The following LRP1B variants were observed in gnomAD, a reference collection of about 807,000 sequenced individuals.
LRP1B encodes low-density lipoprotein receptor-related protein 1B.
LRP1B carries 217 observed loss-of-function variants against 556.6 expected under a neutral mutation model. That is an observed-to-expected ratio of 0.39 (90% CI 0.35 to 0.44). LRP1B has a LOEUF of 0.44. LRP1B is among the 20% of genes least tolerant of loss of function. The pLI is 1.00. For missense variants in LRP1B, 5,053 were observed against 5,620.8 expected, an observed-to-expected ratio of 0.90 and a Z score of 3.23; for synonymous variants, 2,047 against 1,865.8, an observed-to-expected ratio of 1.10 and a Z score of -2.50.
In LRP1B at chr2:140,357,995, C is replaced by A; in HGVS notation, c.11379G>T (p.Glu3793Asp). Reference protein sequence around the residue: ...RLDDCGDGSDEQGCRIAPTEY... With the variant: ...RLDDCGDGSDDQGCRIAPTEY... ...CAAGCTCACCTATTCTGCATCCTTGCTCATCTGAACCATCTCCGCAGTCAT... is the reference window on the plus strand; with the variant it reads ...CAAGCTCACCTATTCTGCATCCTTGATCATCTGAACCATCTCCGCAGTCAT... The change falls in exon 74 of 91, where the codon GAG becomes GAT. Residue 3793 changes from glutamate (E) to aspartate (D), a missense_variant. Around this residue, in one of 5 missense-constraint regions of LRP1B, gnomAD observed 599 missense variants for 648.4 expected, o/e 0.92. Transcript: ENST00000389484. 6.2e-7 allele frequency: 1 copy of A among 1,610,228 alleles called. No individual in the cohort carries two copies. The highest frequency in any genetic ancestry group is 8.5e-7 in the Non-Finnish European group (1 of 1,177,430).
chr2:141,804,564 C>T (rs1294102664), intron 2 of LRP1B, among the ~76,000 whole-genome samples: 1 of 152,038 alleles, frequency 6.6e-6, no homozygotes, highest in Non-Finnish European at 1.5e-5. Flanking sequence ...TAAACCTCTT[C>T]CCAGCCATGT....
chr2:140,944,569 T>C (rs1260916667), intron 20 of LRP1B, among the ~76,000 whole-genome samples: 2 of 152,256 alleles, frequency 1.3e-5, no homozygotes, highest in South Asian at 2.1e-4. Context: ...TCCATCGTGA[T>C]CAGTAGGCTT....
intron 43 of LRP1B, among the ~76,000 whole-genome samples, chr2:140,545,023 G>A (rs1252099340): frequency 6.6e-6 from 1 of 151,802 alleles, no homozygotes; most frequent in African/African-American, 2.4e-5. Context: ...TCGTGGTTTT[G>A]ATTTGCATTT....
At chr2:140,967,373 T>C (rs1397622685) in intron 18 of LRP1B, among the ~76,000 whole-genome samples, 2 of 151,486 alleles carry the variant, frequency 1.3e-5, no homozygotes, top group Admixed American at 6.6e-5. Context: ...TGCTTGTGAT[T>C]TTTGTACATT....
chr2:140,239,557 TGAA>T (rs1321691956), intron 87 of LRP1B, 25 bp from the exon 88 acceptor site: 1 of 1,450,294 alleles, frequency 6.9e-7, no homozygotes, highest in Non-Finnish European at 9.6e-7. Context: ...AGTGAATAGA[TGAA>T]GAAATAAATA....
rs879557458 is a variant in LRP1B, at chr2:140,390,807, A to ACACAC, written c.10415-4799_10415-4798insGTGTG. ...ACACACACACACACACACACACACA[A>ACACAC]CATATTTGAGTAGCAAATTAAGGTT... On this transcript the variant is annotated intron_variant, in intron 66 of 90. Transcript: ENST00000389484. Among the ~76,000 whole-genome samples the ACACAC allele has an allele frequency of 2.9e-3, 392 of 135,674 alleles. 2 individuals are homozygous for ACACAC. The highest frequency in any genetic ancestry group is 2.7e-3 in the Non-Finnish European group (167 of 61,122). The allele number at this position is 135,674 out of a possible 152,430, so 89.0% of individuals were successfully genotyped here.
intron 2 of LRP1B, among the ~76,000 whole-genome samples, chr2:141,745,534 T>C (rs1693884109): frequency 6.6e-6 from 1 of 151,520 alleles, no homozygotes; most frequent in Non-Finnish European, 1.5e-5. Flanking sequence ...CTTTAGTCAG[T>C]TTGTGGTGAA....
chr2:140,540,744 A>AC (rs11431205), intron 45 of LRP1B, among the ~76,000 whole-genome samples: 74,644 of 151,874 alleles, frequency 0.49, 18,650 homozygotes, highest in South Asian at 0.59. Context: ...CTAGTGCACA[A>AC]CAGGAGGGTA....
chr2:141,126,792 A>G (rs1232783375), intron 7 of LRP1B, among the ~76,000 whole-genome samples: 1 of 152,156 alleles, frequency 6.6e-6, no homozygotes, highest in Non-Finnish European at 1.5e-5. Context: ...TTCCCTTTTT[A>G]CTAGCTCAGG....
intron 2 of LRP1B, among the ~76,000 whole-genome samples, chr2:141,727,712 C>A (rs1360085498): frequency 6.6e-6 from 1 of 151,990 alleles, no homozygotes; most frequent in Non-Finnish European, 1.5e-5. Flanking sequence ...CTTTAAGCAG[C>A]TTTTGAAATG....
rs1693652936 is a variant in LRP1B, at chr2:141,740,425, T to C, written c.205+69854A>G. On this transcript the variant is annotated intron_variant, in intron 2 of 90. Transcript: ENST00000389484. ...GGGCAAAAGCCAGTGTACTTAATAA[T>C]ATAATTGTAACTTTTAACATTATTT... Among the ~76,000 whole-genome samples, 3 of 152,296 alleles carry C rather than the reference T, an allele frequency of 2.0e-5. No individual in the cohort carries two copies. The South Asian group carries it at 6.2e-4, about 32-fold the overall frequency.
At chr2:142,042,393 CTATT>C (rs1340517351) in intron 1 of LRP1B, among the ~76,000 whole-genome samples, 5 of 151,444 alleles carry the variant, frequency 3.3e-5, no homozygotes, top group East Asian at 1.9e-4. Flanking sequence ...AGTTGAAAAA[CTATT>C]TATTTTCTGA....
At chr2:141,463,562 AT>A (rs557598945) in intron 3 of LRP1B, among the ~76,000 whole-genome samples, 6 of 23,932 alleles carry the variant, frequency 2.5e-4, no homozygotes, top group African/African-American at 5.5e-4. Context: ...TATATAATAT[AT>A]ATTATATATT....
At chr2:141,846,759 C>T (rs999653090) in intron 1 of LRP1B, among the ~76,000 whole-genome samples, 1 of 151,040 alleles carries the variant, frequency 6.6e-6, no homozygotes, top group Non-Finnish European at 1.5e-5. Flanking sequence ...CGGAATGACA[C>T]AAAAAACATA....
At chr2:141,510,485 T>C (rs559809204) in intron 2 of LRP1B, among the ~76,000 whole-genome samples, 88 of 152,244 alleles carry the variant, frequency 5.8e-4, no homozygotes, top group African/African-American at 2.0e-3. Flanking sequence ...TTACAAATAT[T>C]ATCGCACACC....
intron 7 of LRP1B, among the ~76,000 whole-genome samples, chr2:141,063,162 T>C (rs2105470292): frequency 6.6e-6 from 1 of 151,958 alleles, no homozygotes; most frequent in Non-Finnish European, 1.5e-5. Flanking sequence ...TTGCCTTGAC[T>C]TAAATACAAT....
intron 31 of LRP1B, among the ~76,000 whole-genome samples, chr2:140,817,800 A>G: frequency 9.0e-6 from 1 of 111,374 alleles, no homozygotes; most frequent in Non-Finnish European, 2.1e-5. Context: ...AGTATAAAAA[A>G]GGAATTTAAA....
chr2:140,880,683 T>TTTGTGAGGC (rs1693445775), intron 25 of LRP1B, among the ~76,000 whole-genome samples: 2 of 152,140 alleles, frequency 1.3e-5, no homozygotes, highest in African/African-American at 4.8e-5. Context: ...GAGGCTAGTG[T>TTTGTGAGGC]TAGGGCCTGT....
In LRP1B at chr2:141,564,922, A is replaced by C. The variant is rs567525461; in HGVS notation, c.206-84389T>G. On this transcript the variant is annotated intron_variant, in intron 2 of 90. Transcript: ENST00000389484. ...GCAATAAAGATGTAATAATAATGATAATCATAATCACATTAATAATGAATA... is the reference window on the plus strand; with the variant it reads ...GCAATAAAGATGTAATAATAATGATCATCATAATCACATTAATAATGAATA... Among the ~76,000 whole-genome samples, 134 of 152,084 alleles carry C rather than the reference A, an allele frequency of 8.8e-4. 2 individuals are homozygous for C. Among genetic ancestry groups the C allele is most frequent in the African/African-American group, 3.1e-3 (128 of 41,488 alleles).
Sources: allele counts gnomAD v4.1 joint callset (sites outside exome capture counted in the v4.1 genomes callset), GRCh38; gene constraint gnomAD v4.1.1; regional missense constraint gnomAD v4.1.1; transcripts MANE v1.5; gene names NCBI Gene and HGNC (gene_info 2026-07-23, HGNC 2026-07-21).